The following GCNT2 variants were observed in gnomAD, a reference collection of about 807,000 sequenced individuals.
GCNT2 encodes glucosaminyl (N-acetyl) transferase 2 (I blood group), also known as N-acetyllactosaminide beta-1,6-N-acetylglucosaminyl-transferase.
In GCNT2, 34 loss-of-function variants were observed where a neutral mutation model predicts 34.2. That is an observed-to-expected ratio of 1.00 (90% CI 0.76 to 1.32). The LOEUF (loss-of-function observed/expected upper bound fraction) is 1.32, where lower values mean the gene tolerates loss of function less well. Among genes scored for constraint, GCNT2 ranks in the 40% most tolerant of loss-of-function variants. GCNT2 has a pLI of 0.00. For missense variants in GCNT2, 584 were observed against 489.4 expected, an observed-to-expected ratio of 1.19 and a Z score of -1.82; for synonymous variants, 212 against 188.0, an observed-to-expected ratio of 1.13 and a Z score of -1.04.
chr6:10,528,663 A>T lies in GCNT2; in HGVS notation c.-249A>T. ...TTGCAGGTTAGCAGGAGAACAGGCAAGCCAAATGCAAAGGAGCCACTTCAG... is the reference window on the plus strand; with the variant it reads ...TTGCAGGTTAGCAGGAGAACAGGCATGCCAAATGCAAAGGAGCCACTTCAG... On this transcript the variant is annotated 5_prime_UTR_variant, in exon 3 of 5. It adds an upstream start codon to the 5' untranslated region. Transcript: ENST00000495262. 1 of 555,410 alleles carries T rather than the reference A, an allele frequency of 1.8e-6. No homozygotes were observed. The highest frequency in any genetic ancestry group is 3.2e-5 in the East Asian group (1 of 31,642). 34.4% of individuals were successfully genotyped at this position (555,410 alleles called of 1,614,324 possible).
At chr6:10,579,884 C>T (rs1003992355) in intron 3 of GCNT2, among the ~76,000 whole-genome samples, 11 of 151,546 alleles carry the variant, frequency 7.3e-5, no homozygotes, top group East Asian at 5.8e-4. Context: ...GTATAAATGC[C>T]GGTATCCTTA....
chr6:10,578,401 A>T (rs577170263), intron 3 of GCNT2, among the ~76,000 whole-genome samples: 2 of 151,598 alleles, frequency 1.3e-5, no homozygotes, highest in South Asian at 4.2e-4. Context: ...TAAAAAAAAA[A>T]AAAAAAGAGT....
chr6:10,577,107 AAAG>A (rs1337263583), intron 3 of GCNT2, among the ~76,000 whole-genome samples: 4 of 152,292 alleles, frequency 2.6e-5, no homozygotes, highest in East Asian at 1.9e-4. Flanking sequence ...GAAAAATAGA[AAAG>A]AAGCACTCAG....
chr6:10,589,361 T>C (rs1409037737), intron 3 of GCNT2, among the ~76,000 whole-genome samples: 4 of 122,776 alleles, frequency 3.3e-5, no homozygotes, highest in Non-Finnish European at 7.9e-5. Flanking sequence ...GGTGTGTTTC[T>C]AGTGTGTGTT....
At chr6:10,570,095 C>T (rs577295443) in intron 3 of GCNT2, among the ~76,000 whole-genome samples, 1 of 152,034 alleles carries the variant, frequency 6.6e-6, no homozygotes, top group Non-Finnish European at 1.5e-5. Flanking sequence ...ACCACCATGC[C>T]CAGCTAATTT....
intron 3 of GCNT2, among the ~76,000 whole-genome samples, chr6:10,532,180 C>T (rs1206613907): frequency 6.6e-6 from 1 of 152,052 alleles, no homozygotes; most frequent in Non-Finnish European, 1.5e-5. Context: ...AGTCCCTTCC[C>T]ACTCTCAGAG....
intron 3 of GCNT2, chr6:10,557,455 G>A: frequency 1.2e-6 from 1 of 830,960 alleles, no homozygotes; most frequent in Non-Finnish European, 2.1e-6. Context: ...AACATATATA[G>A]TTCTCACCCT....
intron 3 of GCNT2, among the ~76,000 whole-genome samples, chr6:10,531,059 A>G (rs566843598): frequency 1.3e-5 from 2 of 151,362 alleles, no homozygotes; most frequent in South Asian, 4.2e-4. Flanking sequence ...AAAAAAAAAG[A>G]TTTCTAGACT....
At chr6:10,569,780 C>T (rs1420683869) in intron 3 of GCNT2, among the ~76,000 whole-genome samples, 1 of 152,186 alleles carries the variant, frequency 6.6e-6, no homozygotes, top group Non-Finnish European at 1.5e-5. Context: ...GCTAGGACTA[C>T]TCATAAACCT....
intron 3 of GCNT2, among the ~76,000 whole-genome samples, chr6:10,616,749 G>C (rs948682051): frequency 2.6e-5 from 4 of 152,138 alleles, no homozygotes; most frequent in Non-Finnish European, 5.9e-5. Context: ...GGTAGATACA[G>C]AGTGCTGATT....
chr6:10,611,314 T>G (rs1393018132), intron 3 of GCNT2, among the ~76,000 whole-genome samples: 1 of 148,806 alleles, frequency 6.7e-6, no homozygotes, highest in Non-Finnish European at 1.5e-5. Flanking sequence ...AACAAATATA[T>G]ACTTTTAATT....
rs7756102 is a variant in GCNT2, at chr6:10,535,899, C to A, written c.925+6063C>A. Among the ~76,000 whole-genome samples, 1,249 of 152,258 alleles carry A rather than the reference C, an allele frequency of 8.2e-3. 14 individuals carry two copies. Among genetic ancestry groups the A allele is most frequent in the African/African-American group, 0.028 (1,161 of 41,528 alleles). On this transcript the variant is annotated intron_variant, in intron 3 of 4. Coordinates refer to ENST00000495262, the MANE Select transcript of GCNT2 (RefSeq NM_145649.5). ...TTGTTTTTCCCCTGGAGCCAGCCTG[C>A]GGACTAGCCCTATTGGATATTCCAT... is the stretch of plus-strand genomic sequence containing the variant.
At chr6:10,538,609 C>T (rs997822102) in intron 3 of GCNT2, among the ~76,000 whole-genome samples, 1 of 151,424 alleles carries the variant, frequency 6.6e-6, no homozygotes, top group South Asian at 2.1e-4. Flanking sequence ...TGACACAGCA[C>T]AACTGAGGAC....
intron 3 of GCNT2, among the ~76,000 whole-genome samples, chr6:10,607,412 C>T (rs557366109): frequency 6.6e-6 from 1 of 152,208 alleles, no homozygotes; most frequent in African/African-American, 2.4e-5. Context: ...CCAGATCTCA[C>T]GAGAATTCTA....
At chr6:10,589,527 CA>C (rs945722363) in intron 3 of GCNT2, among the ~76,000 whole-genome samples, 5 of 152,028 alleles carry the variant, frequency 3.3e-5, no homozygotes, top group Non-Finnish European at 7.4e-5. Flanking sequence ...CACCATCCCT[CA>C]AAGGCTTCTG....
chr6:10,621,274 T>A, intron 3 of GCNT2, 77 bp from the exon 4 acceptor site: 1 of 913,948 alleles, frequency 1.1e-6, no homozygotes, highest in Non-Finnish European at 1.8e-6. Context: ...AAGCCTGACT[T>A]AGAGGCTTAA....
chr6:10,601,185 G>T (rs1765073806), intron 3 of GCNT2, among the ~76,000 whole-genome samples: 1 of 152,102 alleles, frequency 6.6e-6, no homozygotes, highest in African/African-American at 2.4e-5. Flanking sequence ...AACAGAAGCA[G>T]CTGGGCCCGT....
chr6:10,542,132 A>T lies in GCNT2; in HGVS notation c.925+12296A>T, dbSNP rs77144133. On this transcript the variant is annotated intron_variant, in intron 3 of 4. Coordinates refer to ENST00000495262, the MANE Select transcript of GCNT2 (RefSeq NM_145649.5). ...TAATGAGACCTGCAATGTAAAATTTAAAAAGAAAAAAGAAAAAATATCCAA... is the reference window on the plus strand; with the variant it reads ...TAATGAGACCTGCAATGTAAAATTTTAAAAGAAAAAAGAAAAAATATCCAA... Among the ~76,000 whole-genome samples the T allele has an allele frequency of 7.1e-3, 1,075 of 152,086 alleles. 12 individuals are homozygous for T. Among genetic ancestry groups the T allele is most frequent in the African/African-American group, 0.025 (1,016 of 41,410 alleles).
At chr6:10,573,264 T>C (rs1763637157) in intron 3 of GCNT2, 8 of 985,134 alleles carry the variant, frequency 8.1e-6, no homozygotes, top group Non-Finnish European at 9.6e-6. Context: ...GAAAAGTTGT[T>C]GTGCAGAAAG....
Sources: allele counts gnomAD v4.1 joint callset (sites outside exome capture counted in the v4.1 genomes callset), GRCh38; gene constraint gnomAD v4.1.1; transcripts MANE v1.5; gene names NCBI Gene and HGNC (gene_info 2026-07-23, HGNC 2026-07-21).